PCNX2: variants seen among roughly 807,000 people sequenced by gnomAD.
The protein encoded by PCNX2 is pecanex 2, also known as pecanex-like protein 2.
A neutral mutation model predicts 223.8 loss-of-function variants in PCNX2; 168 were observed. The observed-to-expected ratio is 0.75, with a 90% confidence interval of 0.66 to 0.85. The LOEUF (loss-of-function observed/expected upper bound fraction) is 0.85. PCNX2 is among the 40% of genes least tolerant of loss of function. PCNX2 has a pLI of 0.00. For synonymous variants in PCNX2, 1,006 were observed against 1,052.6 expected, an observed-to-expected ratio of 0.96 and a Z score of 0.86; for missense variants, 2,507 against 2,675.5, an observed-to-expected ratio of 0.94 and a Z score of 1.39.
At chr1:233,185,615 C>T (rs1157784961) in intron 15 of PCNX2, among the ~76,000 whole-genome samples, 5 of 152,120 alleles carry the variant, frequency 3.3e-5, no homozygotes, top group Non-Finnish European at 4.4e-5. Context: ...GTGCTTGTTG[C>T]CTATTTCAGG....
rs115669927 is a variant in PCNX2 at position 233,140,070 on chromosome 1, G to C, written c.3518-215C>G. On this transcript the variant is annotated intron_variant, in intron 19 of 33. Coordinates refer to ENST00000258229, the MANE Select transcript of PCNX2 (RefSeq NM_014801.4). ...ATAATAATATACATACAGTAATATA[G>C]GCCAGCATCCCAATTGTTCAAGTCA... Among the ~76,000 whole-genome samples the C allele has an allele frequency of 1.2e-3, 181 of 148,332 alleles. 1 individual carries two copies. The highest frequency in any genetic ancestry group is 4.4e-3 in the African/African-American group (175 of 39,816).
chr1:233,025,033 T>A (rs1284870823), intron 26 of PCNX2, 113 bp downstream of exon 26: 1 of 1,413,500 alleles, frequency 7.1e-7, no homozygotes, highest in African/African-American at 1.4e-5. Context: ...GGGTTTCCAA[T>A]TCGGAAGCTG....
At chr1:232,992,991 G>A (rs954291062) in intron 32 of PCNX2, among the ~76,000 whole-genome samples, 1 of 152,182 alleles carries the variant, frequency 6.6e-6, no homozygotes, top group Non-Finnish European at 1.5e-5. Context: ...AAATTACCCA[G>A]TCTCAGGTTG....
At chr1:233,236,768 T>C in intron 9 of PCNX2, 77 bp downstream of exon 9, 1 of 1,563,388 alleles carries the variant, frequency 6.4e-7, no homozygotes. Flanking sequence ...TCCTGTCAAG[T>C]AATCCAACCT....
At chr1:233,251,084 A>C (rs763537392) in intron 7 of PCNX2, among the ~76,000 whole-genome samples, 5 of 152,172 alleles carry the variant, frequency 3.3e-5, no homozygotes, top group Non-Finnish European at 5.9e-5. Flanking sequence ...ACAAGTTTTG[A>C]CTTGGTTACT....
intron 19 of PCNX2, among the ~76,000 whole-genome samples, chr1:233,150,919 A>G (rs1165729272): frequency 2.0e-5 from 3 of 152,176 alleles, no homozygotes; most frequent in Non-Finnish European, 4.4e-5. Context: ...AGCGAATAGA[A>G]CCACTTGTAC....
chr1:232,985,946 G>T, intron 33 of PCNX2, 146 bp downstream of exon 33: 1 of 882,742 alleles, frequency 1.1e-6, no homozygotes, highest in Non-Finnish European at 1.8e-6. Flanking sequence ...TCTAATCACT[G>T]TCCTTTGTCA....
chr1:233,110,940 T>C lies in PCNX2; in HGVS notation c.3838-15077A>G, dbSNP rs765250043. Among the ~76,000 whole-genome samples, 2 of 152,086 alleles carry C rather than the reference T, an allele frequency of 1.3e-5. 1 individual carries two copies. The highest frequency in any genetic ancestry group is 2.9e-5 in the Non-Finnish European group (2 of 68,012). On this transcript the variant is annotated intron_variant, in intron 21 of 33. Coordinates refer to ENST00000258229, the MANE Select transcript of PCNX2 (RefSeq NM_014801.4). ...CGAATTAACTTTTATATTCCTAATA[T>C]AAGAGAATGACTTTTAAATGGCACA...
chr1:233,206,984 T>C (rs1005016839), intron 13 of PCNX2, among the ~76,000 whole-genome samples: 2 of 151,220 alleles, frequency 1.3e-5, no homozygotes, highest in Non-Finnish European at 2.9e-5. Flanking sequence ...GTACTCCAGC[T>C]TGGGAGACAG....
chr1:233,217,660 T>C (rs1657051525), intron 12 of PCNX2, among the ~76,000 whole-genome samples: 1 of 151,982 alleles, frequency 6.6e-6, no homozygotes, highest in African/African-American at 2.4e-5. Context: ...TAGGAAAGAC[T>C]CTGCACACAC....
chr1:233,120,264 A>G (rs978189299), intron 21 of PCNX2, among the ~76,000 whole-genome samples: 2 of 151,956 alleles, frequency 1.3e-5, no homozygotes, highest in African/African-American at 2.4e-5. Flanking sequence ...AACCCAAACA[A>G]TCCAATCTAG....
chr1:233,092,538 G>A (rs1472803143), intron 22 of PCNX2, among the ~76,000 whole-genome samples: 12 of 152,152 alleles, frequency 7.9e-5, no homozygotes, highest in Admixed American at 2.0e-4. Context: ...GTTAGAGGGA[G>A]GGTGGCAGTG....
At chr1:233,083,525 T>TA (rs1012915294) in intron 23 of PCNX2, among the ~76,000 whole-genome samples, 2 of 152,210 alleles carry the variant, frequency 1.3e-5, no homozygotes, top group Non-Finnish European at 2.9e-5. Flanking sequence ...ACAGAGGGGC[T>TA]ACCGTAATTC....
At chr1:233,089,587 G>A (rs534687782) in intron 23 of PCNX2, among the ~76,000 whole-genome samples, 3 of 152,148 alleles carry the variant, frequency 2.0e-5, no homozygotes, top group South Asian at 2.1e-4. Flanking sequence ...CTTTTATGCC[G>A]CAAGTTTTAT....
At chr1:233,250,635 G>A (rs2102985410) in intron 8 of PCNX2, 104 bp downstream of exon 8, 2 of 1,393,924 alleles carry the variant, frequency 1.4e-6, no homozygotes, top group African/African-American at 1.5e-5. Flanking sequence ...CAACTACAAA[G>A]GGATTAACAC....
intron 1 of PCNX2, among the ~76,000 whole-genome samples, chr1:233,268,470 C>T (rs1441971298): frequency 6.6e-6 from 1 of 152,102 alleles, no homozygotes; most frequent in Non-Finnish European, 1.5e-5. Flanking sequence ...TGATGTGTAC[C>T]TCATAAGGGT....
At chr1:233,155,863 A>G (rs1272029039) in intron 19 of PCNX2, among the ~76,000 whole-genome samples, 1 of 152,362 alleles carries the variant, frequency 6.6e-6, no homozygotes, top group African/African-American at 2.4e-5. Flanking sequence ...TTCTAAAAAT[A>G]TGAGTACTCC....
intron 19 of PCNX2, among the ~76,000 whole-genome samples, chr1:233,158,368 G>A (rs1678254412): frequency 6.6e-6 from 1 of 152,138 alleles, no homozygotes; most frequent in South Asian, 2.1e-4. Context: ...CATAGGCATA[G>A]TTTAAGAATA....
rs1033915614 is a variant in PCNX2, at chr1:233,241,581, A to G, written c.2223-4601T>C. On this transcript the variant is annotated intron_variant, in intron 8 of 33. Coordinates refer to ENST00000258229, the MANE Select transcript of PCNX2 (RefSeq NM_014801.4). ...CCAGGTGATCATCTGCTTCTTGCCAATCTTTTCCACCTCCATGTGATCAAA... is the reference window on the plus strand; with the variant it reads ...CCAGGTGATCATCTGCTTCTTGCCAGTCTTTTCCACCTCCATGTGATCAAA... 3.9e-5 allele frequency among the ~76,000 whole-genome samples: 6 copies of G among 152,162 alleles called. No homozygotes were observed. In the South Asian group the frequency reaches 1.0e-3, roughly 26 times the overall value.
Sources: gnomAD v4.1 joint callset for allele counts (sites outside exome capture counted in the v4.1 genomes callset) on GRCh38, gnomAD v4.1.1 for gene constraint, MANE v1.5 for transcripts, NCBI Gene and HGNC (gene_info 2026-07-23, HGNC 2026-07-21) for gene names.